The following RBFOX1 variants were observed in gnomAD, a reference collection of about 807,000 sequenced individuals.
RBFOX1 encodes RNA binding fox-1 homolog 1, also known as RNA binding protein fox-1 homolog 1.
RBFOX1 carries 8 observed loss-of-function variants against 57.7 expected under a neutral mutation model. That is an observed-to-expected ratio of 0.14 (90% CI 0.08 to 0.25). RBFOX1 has a LOEUF of 0.25. Ranked by LOEUF, RBFOX1 falls within the 10% of genes least tolerant of loss-of-function variation. The probability of loss-of-function intolerance (pLI) is 1.00; values close to 1 mark genes in which losing one functional copy is unlikely to be tolerated. For missense variants in RBFOX1, 611 were observed against 548.5 expected (o/e 1.11, Z -1.14); for synonymous variants, 326 against 222.4 (o/e 1.47, Z -4.15).
chr16:6,450,777 A>ATGTATATACATATATATATG (rs1567302774), intron 2 of RBFOX1, among the ~76,000 whole-genome samples: 1 of 39,526 alleles, frequency 2.5e-5, no homozygotes, highest in South Asian at 6.2e-4. Context: ...GTATATATAT[A>ATGTATATACATATATATATG]TATATATATA....
intron 4 of RBFOX1, among the ~76,000 whole-genome samples, chr16:7,358,671 C>A (rs534043636): frequency 6.6e-6 from 1 of 152,226 alleles, no homozygotes; most frequent in South Asian, 2.1e-4. Context: ...CCACCCACCT[C>A]GGCCTCCCAA....
At chr16:7,142,172 C>T (rs751183150) in intron 4 of RBFOX1, among the ~76,000 whole-genome samples, 9 of 152,018 alleles carry the variant, frequency 5.9e-5, no homozygotes, top group Non-Finnish European at 8.8e-5. Context: ...TGCGAGCACA[C>T]ACCACCACAC....
intron 2 of RBFOX1, among the ~76,000 whole-genome samples, chr16:6,556,032 G>A (rs1049965503): frequency 4.6e-5 from 7 of 152,242 alleles, no homozygotes; most frequent in Admixed American, 2.6e-4. Flanking sequence ...CTTACTTTGA[G>A]GCACTAGGGC....
intron 3 of RBFOX1, among the ~76,000 whole-genome samples, chr16:5,793,411 C>G (rs1165355866): frequency 6.6e-6 from 1 of 152,244 alleles, no homozygotes; most frequent in African/African-American, 2.4e-5. Flanking sequence ...AAGATTTACC[C>G]TGATTTTCAA....
chr16:7,003,972 A>C (rs966139351), intron 3 of RBFOX1: 1 of 148,746 alleles, frequency 6.7e-6, no homozygotes, highest in Non-Finnish European at 1.5e-5. Flanking sequence ...CCATTTTCCC[A>C]GGGTAGAAAT....
At chr16:7,296,573 C>A (rs772691077) in intron 4 of RBFOX1, among the ~76,000 whole-genome samples, 1 of 152,112 alleles carries the variant, frequency 6.6e-6, no homozygotes, top group Non-Finnish European at 1.5e-5. Flanking sequence ...CTCATGTTCA[C>A]GATAGCTTGC....
intron 1 of RBFOX1, among the ~76,000 whole-genome samples, chr16:6,209,054 A>G (rs2097274566): frequency 6.6e-6 from 1 of 152,072 alleles, no homozygotes; most frequent in Non-Finnish European, 1.5e-5. Flanking sequence ...TTTGTGTTAT[A>G]AAATTGGAAA....
intron 3 of RBFOX1, among the ~76,000 whole-genome samples, chr16:7,029,607 G>C (rs1258043416): frequency 6.6e-6 from 1 of 152,036 alleles, no homozygotes; most frequent in Non-Finnish European, 1.5e-5. Flanking sequence ...AAGTATCATT[G>C]ACAATTTGTG....
At chr16:6,462,444 A>G (rs958551774) in intron 2 of RBFOX1, among the ~76,000 whole-genome samples, 1 of 152,162 alleles carries the variant, frequency 6.6e-6, no homozygotes, top group Non-Finnish European at 1.5e-5. Context: ...CTCCTTTTAC[A>G]TATCTGCATA....
intron 3 of RBFOX1, among the ~76,000 whole-genome samples, chr16:5,759,143 T>G (rs1211115123): frequency 6.6e-6 from 1 of 152,218 alleles, no homozygotes; most frequent in Non-Finnish European, 1.5e-5. Flanking sequence ...TGTTTATTTT[T>G]GGCAGTATCA....
chr16:7,115,543 C>G (rs1022475116), intron 4 of RBFOX1, among the ~76,000 whole-genome samples: 1 of 152,098 alleles, frequency 6.6e-6, no homozygotes, highest in African/African-American at 2.4e-5. Flanking sequence ...TTGAGGGGGA[C>G]CTTCACTGAG....
chr16:5,948,142 C>T (rs955097505), intron 4 of RBFOX1, among the ~76,000 whole-genome samples: 1 of 152,118 alleles, frequency 6.6e-6, no homozygotes, highest in Non-Finnish European at 1.5e-5. Flanking sequence ...AGGGGTGACT[C>T]TTTCCCTAAT....
chr16:7,701,414 A>C (rs1208769442), intron 14 of RBFOX1, among the ~76,000 whole-genome samples: 1 of 152,108 alleles, frequency 6.6e-6, no homozygotes, highest in Admixed American at 6.6e-5. Flanking sequence ...TTCTCATGGG[A>C]GCACCAACCC....
At chr16:5,822,317 A>G (rs893330345) in intron 3 of RBFOX1, among the ~76,000 whole-genome samples, 1 of 152,172 alleles carries the variant, frequency 6.6e-6, no homozygotes, top group African/African-American at 2.4e-5. Flanking sequence ...AAAAGACAAC[A>G]AATATGGTGC....
At chr16:7,208,447 A>G (rs184440013) in intron 4 of RBFOX1, among the ~76,000 whole-genome samples, 9 of 152,160 alleles carry the variant, frequency 5.9e-5, no homozygotes, top group Middle Eastern at 3.4e-3. Flanking sequence ...TGCTGCTTCC[A>G]CTCGTGGCAG....
At chr16:7,232,318 C>G (rs767662973) in intron 4 of RBFOX1, among the ~76,000 whole-genome samples, 1 of 152,130 alleles carries the variant, frequency 6.6e-6, no homozygotes, top group Non-Finnish European at 1.5e-5. Flanking sequence ...AGGGAGAAAA[C>G]TTAAGTGAGA....
At chr16:6,355,975 C>G (rs1316823471) in intron 2 of RBFOX1, among the ~76,000 whole-genome samples, 1 of 152,106 alleles carries the variant, frequency 6.6e-6, no homozygotes, top group East Asian at 1.9e-4. Context: ...TCCTAATGGG[C>G]AAAGCTGAAG....
chr16:5,391,881 G>A (rs1287372685), intron 1 of RBFOX1, among the ~76,000 whole-genome samples: 2 of 120,414 alleles, frequency 1.7e-5, no homozygotes, highest in African/African-American at 3.4e-5. Flanking sequence ...TATGGTGTGT[G>A]TGTGTGTATA....
intron 2 of RBFOX1, among the ~76,000 whole-genome samples, chr16:6,371,889 C>G (rs543999368): frequency 6.6e-6 from 1 of 152,266 alleles, no homozygotes; most frequent in South Asian, 2.1e-4. Flanking sequence ...CTTGTTATTA[C>G]GAGTTATCTT....
Sources: gnomAD v4.1 joint callset for allele counts (sites outside exome capture counted in the v4.1 genomes callset) on GRCh38, gnomAD v4.1.1 for gene constraint, MANE v1.5 for transcripts, NCBI Gene and HGNC (gene_info 2026-07-23, HGNC 2026-07-21) for gene names.